The following MYH15 variants were observed in gnomAD, a reference collection of about 807,000 sequenced individuals.
MYH15 encodes myosin heavy chain 15, also known as myosin-15.
Under a neutral mutation model 240.5 loss-of-function variants are expected in MYH15, and 227 were observed. That is an observed-to-expected ratio of 0.94 (90% CI 0.85 to 1.05). MYH15 has a LOEUF of 1.05. Among genes scored for constraint, MYH15 ranks in the 50% least tolerant of loss-of-function variants. The pLI is 0.00. For synonymous variants in MYH15, 785 were observed against 796.7 expected (o/e 0.99, Z 0.25); for missense variants, 2,217 against 2,247.5 (o/e 0.99, Z 0.27).
intron 31 of MYH15, among the ~76,000 whole-genome samples, chr3:108,408,650 T>C (rs2082564640): frequency 6.6e-6 from 1 of 152,240 alleles, no homozygotes; most frequent in Non-Finnish European, 1.5e-5. Flanking sequence ...TTCAGAGTAT[T>C]GTACACTGGA....
intron 21 of MYH15, 22 bp downstream of exon 21, chr3:108,453,984 G>T: frequency 6.2e-7 from 1 of 1,603,206 alleles, no homozygotes. Context: ...AGCAGTTGGG[G>T]AGCAGGGTGG....
intron 22 of MYH15, 60 bp downstream of exon 22, chr3:108,444,580 G>T: frequency 6.4e-7 from 1 of 1,572,706 alleles, no homozygotes. Flanking sequence ...AACACTGCCT[G>T]CTTAACAAGG....
Position 108,410,824 on chromosome 3 carries a change from C to T in MYH15, c.4254G>A (p.Gly1418=). The T allele has an allele frequency of 1.2e-6, 2 of 1,614,036 alleles. No individual in the cohort carries two copies. Among genetic ancestry groups the T allele is most frequent in the Non-Finnish European group, 1.7e-6 (2 of 1,179,876 alleles). The change falls in exon 31 of 41, where the codon GGG becomes GGA. Residue 1418 remains glycine (G), a synonymous_variant. Coordinates refer to ENST00000693548, the MANE Select transcript of MYH15 (RefSeq NM_014981.3). ...RARHQLQLEL[G]DALSDLGKVR... ...CCTTCCCGAGGTCAGACAGGGCGTC[C>T]CCGAGCTCCAGCTGCAGCTGGTGCC...
chr3:108,453,394 C>T (rs750588648), intron 21 of MYH15, among the ~76,000 whole-genome samples: 4 of 152,280 alleles, frequency 2.6e-5, no homozygotes, highest in East Asian at 1.9e-4. Context: ...TATATGCTAA[C>T]GAAAAAGTAA....
intron 24 of MYH15, among the ~76,000 whole-genome samples, chr3:108,439,124 T>C (rs2082865030): frequency 6.6e-6 from 1 of 151,830 alleles, no homozygotes; most frequent in Admixed American, 6.6e-5. Context: ...ACTGTGAGCA[T>C]AAATGCATAC....
chr3:108,440,964 G>A, intron 23 of MYH15, 54 bp downstream of exon 23: 1 of 1,603,012 alleles, frequency 6.2e-7, no homozygotes, highest in Non-Finnish European at 8.5e-7. Flanking sequence ...AACCTGATTT[G>A]AGAGTGGAAT....
intron 1 of MYH15, among the ~76,000 whole-genome samples, chr3:108,509,078 T>G (rs1371497782): frequency 1.3e-5 from 2 of 152,148 alleles, no homozygotes; most frequent in African/African-American, 4.8e-5. Flanking sequence ...ATCCCAAGAC[T>G]ACCTGCTAAA....
At chr3:108,550,890 T>C in the MYH15 span, 2 of 218,376 alleles carry the variant, frequency 9.2e-6, no homozygotes, top group Non-Finnish European at 1.8e-5. Context: ...ATAATGGAGG[T>C]TAAAAATGAT....
At chr3:108,511,397 A>G (rs1018391992), upstream of MYH15, among the ~76,000 whole-genome samples, 2 of 152,200 alleles carry the variant, frequency 1.3e-5, no homozygotes, top group Non-Finnish European at 2.9e-5. Context: ...TGAAGCTGGA[A>G]TAAATAAAGA....
intron 1 of MYH15, among the ~76,000 whole-genome samples, chr3:108,524,399 G>C (rs2083649657): frequency 6.6e-6 from 1 of 151,624 alleles, no homozygotes; most frequent in Non-Finnish European, 1.5e-5. Flanking sequence ...TTTTCTATGG[G>C]GGTATTTACT....
intron 1 of MYH15, among the ~76,000 whole-genome samples, chr3:108,528,060 T>G (rs369117329): frequency 6.6e-6 from 1 of 152,106 alleles, no homozygotes; most frequent in East Asian, 1.9e-4. Context: ...ATAACAGTAT[T>G]AATCCGTTAA....
chr3:108,491,088 A>G (rs2083343161), intron 9 of MYH15, among the ~76,000 whole-genome samples: 1 of 152,042 alleles, frequency 6.6e-6, no homozygotes, highest in African/African-American at 2.4e-5. Flanking sequence ...GGTTTTTACC[A>G]TGTTAGCCAG....
intron 1 of MYH15, among the ~76,000 whole-genome samples, chr3:108,507,641 G>T (rs549931463): frequency 6.6e-6 from 1 of 152,120 alleles, no homozygotes; most frequent in African/African-American, 2.4e-5. Context: ...GGTTGCTCAC[G>T]ACTTTCTTGC....
intron 20 of MYH15, among the ~76,000 whole-genome samples, 187 bp downstream of exon 20, chr3:108,455,549 T>C (rs573756509): frequency 1.3e-4 from 20 of 152,340 alleles, no homozygotes; most frequent in African/African-American, 4.6e-4. Flanking sequence ...AAAACTGAGG[T>C]TTAAAAAACA....
chr3:108,505,458 C>T (rs2083468336), intron 2 of MYH15, among the ~76,000 whole-genome samples: 1 of 151,994 alleles, frequency 6.6e-6, no homozygotes, highest in Non-Finnish European at 1.5e-5. Context: ...TTTGTAGATA[C>T]AGGATTTTGC....
intron 2 of MYH15, 42 bp from the exon 3 acceptor site, chr3:108,501,897 C>A (rs777873945): frequency 6.3e-7 from 1 of 1,580,364 alleles, no homozygotes; most frequent in Non-Finnish European, 8.7e-7. Context: ...CCCCTGTCTC[C>A]TATGCGTATT....
At chr3:108,444,032 G>A (rs1413596750) in intron 22 of MYH15, among the ~76,000 whole-genome samples, 1 of 143,898 alleles carries the variant, frequency 6.9e-6, no homozygotes, top group Admixed American at 6.9e-5. Flanking sequence ...AGCATTAGGA[G>A]ATATACCTAA....
At chr3:108,525,096 T>C (rs930220313) in intron 1 of MYH15, among the ~76,000 whole-genome samples, 2 of 152,056 alleles carry the variant, frequency 1.3e-5, no homozygotes, top group African/African-American at 4.8e-5. Flanking sequence ...GAAAGTCTAT[T>C]ACATTGTCCT....
chr3:108,488,214 T>C (rs1429811340), intron 9 of MYH15, among the ~76,000 whole-genome samples: 3 of 152,208 alleles, frequency 2.0e-5, no homozygotes, highest in African/African-American at 7.2e-5. Context: ...GGTGAGATCA[T>C]GTGGTATTTG....
Sources: allele counts gnomAD v4.1 joint callset (sites outside exome capture counted in the v4.1 genomes callset), GRCh38; gene constraint gnomAD v4.1.1; transcripts MANE v1.5; gene names NCBI Gene and HGNC (gene_info 2026-07-23, HGNC 2026-07-21).